The following XRCC1 variants were observed in gnomAD, a reference collection of about 807,000 sequenced individuals.
XRCC1 encodes X-ray repair cross complementing 1.
XRCC1 carries 52 observed loss-of-function variants against 83.3 expected under a neutral mutation model. The ratio of observed to expected loss-of-function variants is 0.62; its 90% confidence interval spans 0.50 to 0.79. The LOEUF (loss-of-function observed/expected upper bound fraction) is 0.79, where lower values mean the gene tolerates loss of function less well. XRCC1 is among the 30% of genes least tolerant of loss of function. The pLI, the probability that XRCC1 is intolerant of heterozygous loss-of-function variation, is 0.00. For missense variants in XRCC1, 793 were observed against 823.5 expected, an observed-to-expected ratio of 0.96 and a Z score of 0.45; for synonymous variants, 281 against 312.6, an observed-to-expected ratio of 0.90 and a Z score of 1.07.
At chr19:43,550,859 C>G (rs551839409) in intron 10 of XRCC1, among the ~76,000 whole-genome samples, 1 of 152,224 alleles carries the variant, frequency 6.6e-6, no homozygotes, top group Non-Finnish European at 1.5e-5. Flanking sequence ...TGCACTGTTA[C>G]AACAATTCTG....
At position 43,560,928 on chromosome 19, in the gene XRCC1, A is replaced by T; in HGVS notation, c.237T>A (p.Ala79=). 6.2e-7 allele frequency: 1 copy of T among 1,614,156 alleles called. No individual in the cohort carries two copies. Residue 79 remains alanine, a synonymous_variant, in exon 3 of 17, where the codon GCT becomes GCA. Transcript: ENST00000262887. ...TGCTTACCTCATAGTCTTGCTCCCC[A>T]GCGCCTCCAGCTGAACTGCCCACCA... ...EVLVGSSAGG[A]GEQDYEVLLV... is the part of the protein sequence containing the mutation.
At chr19:43,548,952 G>A (rs889304777) in intron 10 of XRCC1, among the ~76,000 whole-genome samples, 1 of 152,046 alleles carries the variant, frequency 6.6e-6, no homozygotes, top group African/African-American at 2.4e-5. Context: ...AAGCCACAGG[G>A]AAGGTATGCA....
intron 2 of XRCC1, among the ~76,000 whole-genome samples, chr19:43,562,860 G>A (rs1972714499): frequency 6.6e-6 from 1 of 152,236 alleles, no homozygotes; most frequent in African/African-American, 2.4e-5. Flanking sequence ...CCAGACTCCT[G>A]CTAATAATAC....
chr19:43,561,127 T>C, intron 2 of XRCC1, 107 bp from the exon 3 acceptor site: 2 of 884,692 alleles, frequency 2.3e-6, no homozygotes, highest in Admixed American at 1.8e-5. Context: ...GTAATGTCAA[T>C]TCTGTGAGGG....
Position 43,554,677 on chromosome 19 carries a change from A to C in XRCC1, c.383T>G (p.Val128Gly), listed in dbSNP as rs1249828961. 2 of 1,609,450 alleles carry C rather than the reference A, an allele frequency of 1.2e-6. No individual in the cohort carries two copies. The highest frequency in any genetic ancestry group is 2.7e-5 in the African/African-American group (2 of 73,716). ...RAAAEKRWDRVKIVCSQPYSK... is the reference protein window; with the variant it reads ...RAAAEKRWDRGKIVCSQPYSK... Reference sequence around the variant, plus strand: ...GTAGGGCTGGCTGCAAACAATTTTGACCCGGTCCCAGCGCTTCTCGGCGGC... The same window carrying C: ...GTAGGGCTGGCTGCAAACAATTTTGCCCCGGTCCCAGCGCTTCTCGGCGGC... The change falls in exon 4 of 17, where the codon GTC becomes GGC. Residue 128 changes from valine to glycine, a missense_variant. Transcript: ENST00000262887.
At chr19:43,554,499 T>C (rs2146053788) in intron 4 of XRCC1, 147 bp downstream of exon 4, 1 of 1,050,214 alleles carries the variant, frequency 9.5e-7, no homozygotes, top group Non-Finnish European at 1.3e-6. Context: ...CAAACCCATT[T>C]CAGGGAACGC....
intron 4 of XRCC1, among the ~76,000 whole-genome samples, chr19:43,554,087 C>A (rs3213356): frequency 6.6e-6 from 1 of 151,942 alleles, no homozygotes; most frequent in Non-Finnish European, 1.5e-5. Flanking sequence ...GGTCCCTGCA[C>A]GACCTCATAA....
rs3213291 is a variant in XRCC1 at position 43,566,406 on chromosome 19, G to A, written c.145-5386C>T. On this transcript the variant is annotated intron_variant, in intron 2 of 16. Transcript: ENST00000262887. ...AAATTAACCAGGCATGGTGGCAGGC[G>A]CCTGTAATCCCAGCTACTCGGGAGG... 3.6e-3 allele frequency among the ~76,000 whole-genome samples: 545 copies of A among 149,602 alleles called. 6 individuals carry two copies. The highest frequency in any genetic ancestry group is 0.012 in the African/African-American group (490 of 40,490).
Position 43,546,686 on chromosome 19 carries a change from G to C in XRCC1, c.1335C>G (p.Pro445=). The C allele has an allele frequency of 6.2e-7, 1 of 1,609,586 alleles. No individual in the cohort carries two copies. Among genetic ancestry groups the C allele is most frequent in the Non-Finnish European group, 8.5e-7 (1 of 1,178,854 alleles). ...GGGTTGGGGGCTTCTGGGGTGAGCT[G>C]GGTCCAGCTGCCTGAGTGGGCTTGG... ...TKTKPTQAAG[P]SSPQKPPTPE... is the part of the protein sequence containing the mutation. The change falls in exon 12 of 17, where the codon CCC becomes CCG. Residue 445 remains proline, a synonymous_variant. Coordinates refer to ENST00000262887, the MANE Select transcript of XRCC1 (RefSeq NM_006297.3).
At chr19:43,551,912 GAGAA>G in intron 9 of XRCC1, 101 bp downstream of exon 9, 1 of 1,302,224 alleles carries the variant, frequency 7.7e-7, no homozygotes, top group Non-Finnish European at 1.1e-6. Flanking sequence ...GTGAGAGAGA[GAGAA>G]AGCATGCAGC....
chr19:43,568,299 C>T (rs952107501), intron 2 of XRCC1, among the ~76,000 whole-genome samples: 2 of 152,030 alleles, frequency 1.3e-5, no homozygotes, highest in Non-Finnish European at 2.9e-5. Flanking sequence ...GAATTCAAGA[C>T]CAGCCTGGCT....
rs529896232 is a variant in XRCC1, at chr19:43,560,629, C to T, written c.255+281G>A. On this transcript the variant is annotated intron_variant, in intron 3 of 16. Transcript: ENST00000262887. Reference sequence around the variant, plus strand: ...CTCTGCCTACACCTAGATTTTAGCCCAGTGAGAGTGATTTCAGACTTCTGA... The same window carrying T: ...CTCTGCCTACACCTAGATTTTAGCCTAGTGAGAGTGATTTCAGACTTCTGA... Among the ~76,000 whole-genome samples the T allele has an allele frequency of 2.0e-5, 3 of 152,270 alleles. No homozygotes were observed. In the South Asian group the frequency reaches 6.2e-4, roughly 32 times the overall value.
intron 9 of XRCC1, 65 bp from the exon 10 acceptor site, chr19:43,551,752 A>T: frequency 1.6e-6 from 2 of 1,230,304 alleles, no homozygotes; most frequent in East Asian, 4.6e-5. Context: ...GGAACGAGAC[A>T]GGGGAGACAG....
intron 3 of XRCC1, among the ~76,000 whole-genome samples, chr19:43,559,332 A>C (rs537349194): frequency 0.013 from 1,934 of 150,782 alleles, 15 homozygotes; most frequent in Non-Finnish European, 0.018. Context: ...AAATACAAAA[A>C]ATTAGCCGGG....
chr19:43,574,219 G>C (rs536246686), intron 2 of XRCC1, among the ~76,000 whole-genome samples: 30 of 152,004 alleles, frequency 2.0e-4, no homozygotes, highest in African/African-American at 7.0e-4. Flanking sequence ...GGGATTGCAG[G>C]TGCACACCAC....
chr19:43,566,139 G>A (rs1177517086), intron 2 of XRCC1, among the ~76,000 whole-genome samples: 1 of 152,030 alleles, frequency 6.6e-6, no homozygotes, highest in Non-Finnish European at 1.5e-5. Flanking sequence ...AGGAGGCTGA[G>A]GCCAGAGAAT....
Position 43,543,523 on chromosome 19 carries a change from G to A in XRCC1, c.1789-18C>T. 1 of 1,613,532 alleles carries A rather than the reference G, an allele frequency of 6.2e-7. No individual in the cohort carries two copies. The highest frequency in any genetic ancestry group is 1.1e-5 in the South Asian group (1 of 91,064). ...ATCAGGGCCTGCAGGGTGGGGTGGA[G>A]TCCATACGGGAATGTGTCATCGAGG... On this transcript the variant is annotated intron_variant, in intron 16 of 16. Transcript: ENST00000262887.
intron 3 of XRCC1, among the ~76,000 whole-genome samples, chr19:43,560,475 G>T (rs1253716735): frequency 6.6e-6 from 1 of 152,140 alleles, no homozygotes; most frequent in Non-Finnish European, 1.5e-5. Flanking sequence ...AGTGGAAGCA[G>T]GCGTTAGAGT....
chr19:43,574,132 G>C (rs920863195), intron 2 of XRCC1, among the ~76,000 whole-genome samples: 1 of 151,810 alleles, frequency 6.6e-6, no homozygotes, highest in African/African-American at 2.4e-5. Flanking sequence ...CTGGAGTGCA[G>C]TGGCACAATC....
Sources: gnomAD v4.1 joint callset for allele counts (sites outside exome capture counted in the v4.1 genomes callset) on GRCh38, gnomAD v4.1.1 for gene constraint, MANE v1.5 for transcripts, NCBI Gene and HGNC (gene_info 2026-07-23, HGNC 2026-07-21) for gene names.